The following CEP63 variants were observed in gnomAD, a reference collection of about 807,000 sequenced individuals.
CEP63 encodes centrosomal protein of 63 kDa.
In CEP63, 84 loss-of-function variants were observed where a neutral mutation model predicts 89.1. That is an observed-to-expected ratio of 0.94 (90% CI 0.79 to 1.13). CEP63 has a LOEUF of 1.13. CEP63 is among the 50% of genes most tolerant of loss of function. The pLI is 0.00. For synonymous variants in CEP63, 267 were observed against 272.5 expected (o/e 0.98, Z 0.20); for missense variants, 838 against 813.3 (o/e 1.03, Z -0.37).
At chr3:134,549,414 C>G (rs972764093) in intron 10 of CEP63, among the ~76,000 whole-genome samples, 8 of 152,104 alleles carry the variant, frequency 5.3e-5, no homozygotes, top group Non-Finnish European at 1.0e-4. Context: ...CCTTTGAACT[C>G]AAAAACTTTA....
At chr3:134,522,970 G>A (rs1033596490) in intron 3 of CEP63, among the ~76,000 whole-genome samples, 1 of 151,946 alleles carries the variant, frequency 6.6e-6, no homozygotes, top group African/African-American at 2.4e-5. Flanking sequence ...ATCTTTAAGG[G>A]ATCACCATCA....
rs1197597547 is a variant in CEP63 at position 134,550,165 on chromosome 3, A to G, written c.1285A>G (p.Ile429Val). The G allele has an allele frequency of 1.9e-6, 3 of 1,613,834 alleles. No homozygotes were observed. The highest frequency in any genetic ancestry group is 1.3e-5 in the African/African-American group (1 of 74,942). Residue 429 changes from isoleucine (I) to valine (V), a missense_variant, in exon 11 of 15, where the codon ATC becomes GTC. By Grantham distance (29) the Ile-to-Val change is conservative (BLOSUM62 3). Coordinates refer to ENST00000675561, the MANE Select transcript of CEP63 (RefSeq NM_001353108.3). ...HLTQELHQRD[I>V]TIASTKGSSS... is the part of the protein sequence containing the mutation. Reference sequence around the variant, plus strand: ...AACTCAGGAGTTACATCAGCGAGATATCACTATTGCTTCCACCAAAGGTTC... The same window carrying G: ...AACTCAGGAGTTACATCAGCGAGATGTCACTATTGCTTCCACCAAAGGTTC...
At chr3:134,662,132 C>T in the CEP63 span, among the ~76,000 whole-genome samples, 4 of 152,116 alleles carry the variant, frequency 2.6e-5, no homozygotes, top group Non-Finnish European at 5.9e-5. Flanking sequence ...CAAAAATTAG[C>T]TGGGTGTGGT....
intron 14 of CEP63, among the ~76,000 whole-genome samples, chr3:134,560,270 T>C (rs940980411): frequency 6.6e-5 from 10 of 152,204 alleles, no homozygotes; most frequent in African/African-American, 1.2e-4. Flanking sequence ...GATGGGATGT[T>C]CCCTCAGACT....
the CEP63 span, among the ~76,000 whole-genome samples, chr3:134,722,279 A>G: frequency 4.5e-5 from 1 of 21,982 alleles, no homozygotes; most frequent in East Asian, 1.4e-3. Flanking sequence ...CCTATACTGT[A>G]TATATACAGT....
chr3:134,576,618 A>G (rs12637060), downstream of CEP63, among the ~76,000 whole-genome samples: 200 of 152,370 alleles, frequency 1.3e-3, 4 homozygotes, highest in East Asian at 0.034. Flanking sequence ...CTTCATATGC[A>G]GAATGTGGAC....
the CEP63 span, among the ~76,000 whole-genome samples, chr3:134,703,177 T>C: frequency 6.6e-6 from 1 of 151,182 alleles, no homozygotes; most frequent in Non-Finnish European, 1.5e-5. Context: ...GTGCCTGTAG[T>C]CCCAGCTACT....
intron 1 of CEP63, among the ~76,000 whole-genome samples, chr3:134,488,708 G>T (rs534499176): frequency 1.3e-5 from 2 of 152,138 alleles, no homozygotes; most frequent in Non-Finnish European, 2.9e-5. Flanking sequence ...CCGCCCTGTC[G>T]GTGTTGAGAA....
chr3:134,608,112 A>G, the CEP63 span: 6 of 1,127,324 alleles, frequency 5.3e-6, no homozygotes, highest in African/African-American at 1.6e-5. Context: ...GTTGCTCCCC[A>G]TCCTTGCTGG....
At chr3:134,753,676 T>G in the CEP63 span, among the ~76,000 whole-genome samples, 1 of 152,322 alleles carries the variant, frequency 6.6e-6, no homozygotes, top group Non-Finnish European at 1.5e-5. Flanking sequence ...GGCTGGGAGT[T>G]TGCAGGTAAG....
the CEP63 span, among the ~76,000 whole-genome samples, chr3:134,677,929 C>T: frequency 2.6e-5 from 4 of 151,924 alleles, no homozygotes; most frequent in African/African-American, 9.7e-5. Flanking sequence ...CTACCACCCT[C>T]TGTGCCAGTC....
intron 6 of CEP63, among the ~76,000 whole-genome samples, chr3:134,538,196 G>C (rs1157748597): frequency 1.0e-5 from 1 of 96,640 alleles, no homozygotes; most frequent in South Asian, 3.7e-4. Context: ...CTAGAAGGGA[G>C]GGTTTTTTTT....
In CEP63 at chr3:134,561,556, C is replaced by A. The variant is rs1435280424; in HGVS notation, c.*21C>A. 2 of 1,601,080 alleles carry A rather than the reference C, an allele frequency of 1.2e-6. No homozygotes were observed. Among genetic ancestry groups the A allele is most frequent in the South Asian group, 2.2e-5 (2 of 89,930 alleles). On this transcript the variant is annotated 3_prime_UTR_variant, in exon 15 of 15. Coordinates refer to ENST00000675561, the MANE Select transcript of CEP63 (RefSeq NM_001353108.3). Reference sequence around the variant, plus strand: ...AGTAGCCTCTTAAAAAAATCACTATCTTGGAAATAAAAATAAACACCAAAG... The same window carrying A: ...AGTAGCCTCTTAAAAAAATCACTATATTGGAAATAAAAATAAACACCAAAG...
the CEP63 span, among the ~76,000 whole-genome samples, chr3:134,691,962 G>T: frequency 6.6e-6 from 1 of 152,062 alleles, no homozygotes; most frequent in Non-Finnish European, 1.5e-5. Context: ...TGCTCGTCTT[G>T]ATCTCCCAAA....
the CEP63 span, among the ~76,000 whole-genome samples, chr3:134,613,810 C>T: frequency 6.6e-6 from 1 of 152,130 alleles, no homozygotes; most frequent in Non-Finnish European, 1.5e-5. Flanking sequence ...CATGCAAAAT[C>T]CTCTGTATGT....
chr3:134,497,439 G>A (rs910263174), intron 2 of CEP63, among the ~76,000 whole-genome samples: 1 of 152,078 alleles, frequency 6.6e-6, no homozygotes, highest in African/African-American at 2.4e-5. Context: ...CAGCACAGTC[G>A]TAGCTCACTG....
At chr3:134,676,051 G>C in the CEP63 span, among the ~76,000 whole-genome samples, 1 of 152,180 alleles carries the variant, frequency 6.6e-6, no homozygotes, top group Admixed American at 6.5e-5. Context: ...CAAGAGAAGT[G>C]AAAATGTATT....
At chr3:134,565,389 T>G (rs1170366855), downstream of CEP63, among the ~76,000 whole-genome samples, 1 of 152,168 alleles carries the variant, frequency 6.6e-6, no homozygotes, top group Non-Finnish European at 1.5e-5. Flanking sequence ...ACATAACACC[T>G]GGTAAACTGT....
chr3:134,578,322 GTTTTTT>G (rs71139542), downstream of CEP63, among the ~76,000 whole-genome samples: 3 of 62,076 alleles, frequency 4.8e-5, no homozygotes, highest in African/African-American at 1.9e-4. Flanking sequence ...TCTGACTTGT[GTTTTTT>G]TTTTTTTTTT....
Sources: allele counts gnomAD v4.1 joint callset (sites outside exome capture counted in the v4.1 genomes callset), GRCh38; gene constraint gnomAD v4.1.1; transcripts MANE v1.5; gene names NCBI Gene and HGNC (gene_info 2026-07-23, HGNC 2026-07-21).